Variants in COL7A1 observed in about 807,000 individuals in gnomAD.
COL7A1 encodes the protein collagen alpha-1(VII) chain.
Under a neutral mutation model 456.2 loss-of-function variants are expected in COL7A1, and 296 were observed. That is an observed-to-expected ratio of 0.65 (90% confidence interval 0.59 to 0.71). The LOEUF is 0.71. Ranked by LOEUF, COL7A1 falls within the 30% of genes least tolerant of loss-of-function variation. The pLI, the probability that COL7A1 is intolerant of heterozygous loss-of-function variation, is 0.00. For missense variants in COL7A1, 3,441 were observed against 4,017.2 expected (o/e 0.86, Z 3.88); for synonymous variants, 1,464 against 1,525.9 (o/e 0.96, Z 0.95).
chr3:48,579,079 C>G lies in COL7A1; in HGVS notation c.5388+118G>C, dbSNP rs750409524. 7.4e-5 allele frequency: 115 copies of G among 1,552,450 alleles called. No homozygotes were observed. Among genetic ancestry groups the G allele is most frequent in the Non-Finnish European group, 9.6e-5 (108 of 1,126,442 alleles). ...GCAGGGCTCTGGGAGAAGACACAGA[C>G]AACAGGTCTCGCCCCAGAGCTCGTC... On this transcript the variant is annotated intron_variant, in intron 62 of 118. Coordinates refer to ENST00000681320, the MANE Select transcript of COL7A1 (RefSeq NM_000094.4). The surrounding 1 kb of genome is among the most constrained non-coding windows in gnomAD (Gnocchi z 4.4).
chr3:48,570,053 A>G lies in COL7A1; in HGVS notation c.7485+81T>C, dbSNP rs1475066048. ...GAGGAGGGCCAGAGGGCTAGGGAGG[A>G]TGGCAGAGAGTCCTGGGGTACAAAG... On this transcript the variant is annotated intron_variant, in intron 99 of 118. Transcript: ENST00000681320. This position sits in a 1 kb window ranked among gnomAD's most constrained non-coding sequence, Gnocchi z 5.5. The G allele has an allele frequency of 1.3e-6, 2 of 1,597,876 alleles. No homozygotes were observed. Among genetic ancestry groups the G allele is most frequent in the Admixed American group, 1.7e-5 (1 of 59,866 alleles).
rs1218980767 is a variant in COL7A1 at position 48,591,166 on chromosome 3, T to C, written c.1636+298A>G. ...ATGGGGACATGCAATGAGAGGTTGG[T>C]GTACAGTGGTCACCACTAGGGTAAC... On this transcript the variant is annotated intron_variant, in intron 13 of 118. Coordinates refer to ENST00000681320, the MANE Select transcript of COL7A1 (RefSeq NM_000094.4). The surrounding 1 kb of genome is among the most constrained non-coding windows in gnomAD (Gnocchi z 7.0). Among the ~76,000 whole-genome samples the C allele has an allele frequency of 6.6e-6, 1 of 151,886 alleles. No homozygotes were observed. Among genetic ancestry groups the C allele is most frequent in the Non-Finnish European group, 1.5e-5 (1 of 67,956 alleles).
chr3:48,568,542 A>G lies in COL7A1; in HGVS notation c.7759-8T>C. ...TGCTGCACCAGGTTGACCCTGTGAGAAACACAGATGGGGGAGCCCTTCAGT... is the reference window on the plus strand; with the variant it reads ...TGCTGCACCAGGTTGACCCTGTGAGGAACACAGATGGGGGAGCCCTTCAGT... On this transcript the variant is annotated splice_region_variant and splice_polypyrimidine_tract_variant and intron_variant, in intron 104 of 118. Coordinates refer to ENST00000681320, the MANE Select transcript of COL7A1 (RefSeq NM_000094.4). This position sits in a 1 kb window ranked among gnomAD's most constrained non-coding sequence, Gnocchi z 5.2. The G allele has an allele frequency of 6.2e-7, 1 of 1,607,250 alleles. No individual in the cohort carries two copies.
rs1282467975 is a variant in COL7A1, at chr3:48,570,420, G to T, written c.7380+45C>A. 2.5e-6 allele frequency: 4 copies of T among 1,613,872 alleles called. No individual in the cohort carries two copies. In the African/African-American group the frequency reaches 5.3e-5, roughly 22 times the overall value. On this transcript the variant is annotated intron_variant, in intron 97 of 118. Transcript: ENST00000681320. The surrounding 1 kb of genome is among the most constrained non-coding windows in gnomAD (Gnocchi z 5.5). ...GGGAGGTCAGTGGAGGCTGAAGGGG[G>T]TGACCAGGGCACAAGAGAGAGTCAG...
In COL7A1 at chr3:48,592,210, C is replaced by A. The variant is rs765113230; in HGVS notation, c.1132G>T (p.Gly378Cys). ...TCCAAGTCACGCAGCAACACTGAAC[C>A]CTGCCCAGGGCCCAGCTCCTGCTGC... is the stretch of plus-strand genomic sequence containing the variant. ...TQQQELGPGQ[G>C]SVLLRDLEPG... Residue 378 changes from glycine to cysteine, a missense_variant, in exon 10 of 119, where the codon GGT becomes TGT. By Grantham distance (159) the Gly-to-Cys change is radical. This residue lies in a region of COL7A1 where 913 missense variants were observed against 1,088.2 expected (regional missense o/e 0.84). Coordinates refer to ENST00000681320, the MANE Select transcript of COL7A1 (RefSeq NM_000094.4). The surrounding 1 kb of genome is among the most constrained non-coding windows in gnomAD (Gnocchi z 7.6). 2.2e-5 allele frequency: 36 copies of A among 1,614,000 alleles called. No individual in the cohort carries two copies. The highest frequency in any genetic ancestry group is 3.1e-5 in the Non-Finnish European group (36 of 1,180,064).
chr3:48,572,795 C>T lies in COL7A1; in HGVS notation c.6832-56G>A. On this transcript the variant is annotated intron_variant, in intron 87 of 118. Coordinates refer to ENST00000681320, the MANE Select transcript of COL7A1 (RefSeq NM_000094.4). This position sits in a 1 kb window ranked among gnomAD's most constrained non-coding sequence, Gnocchi z 4.6. ...CCTCTCCACCACCACCCCTGCTGCC[C>T]CACTCCTCATATTTCAGGCCCACAG... 1 of 1,612,642 alleles carries T rather than the reference C, an allele frequency of 6.2e-7. No individual in the cohort carries two copies. The highest frequency in any genetic ancestry group is 1.1e-5 in the South Asian group (1 of 91,008).
In COL7A1 at chr3:48,569,753, A is replaced by G. The variant is rs373852057; in HGVS notation, c.7529T>C (p.Val2510Ala). 7 of 1,614,000 alleles carry G rather than the reference A, an allele frequency of 4.3e-6. No individual in the cohort carries two copies. The African/African-American group carries it at 9.3e-5, about 22-fold the overall frequency. Residue 2510 changes from valine to alanine, a missense_variant, in exon 101 of 119, where the codon GTT (valine) becomes GCT (alanine). This residue lies in a region of COL7A1 where 2,084 missense variants were observed against 2,501.3 expected (regional missense o/e 0.83). Transcript: ENST00000681320. This position sits in a 1 kb window ranked among gnomAD's most constrained non-coding sequence, Gnocchi z 4.9. ...GTCACCCTTTAGTCCTGCACTCCCAACATCACCCTATTGGGCAAAAGAGTG... is the reference window on the plus strand; with the variant it reads ...GTCACCCTTTAGTCCTGCACTCCCAGCATCACCCTATTGGGCAAAAGAGTG... ...SRGERGEKGDVGSAGLKGDKG... is the reference protein window; with the variant it reads ...SRGERGEKGDAGSAGLKGDKG...
rs1242637293 is a variant in COL7A1, at chr3:48,592,342, C to G, written c.1093+9G>C. The G allele has an allele frequency of 5.0e-6, 8 of 1,613,424 alleles. No individual in the cohort carries two copies. The highest frequency in any genetic ancestry group is 1.7e-5 in the Admixed American group (1 of 60,004). ...CGGGGACTCCCCTCAGCCCACATCT[C>G]TCACTCACCACTGAGGACCCGCCAT... On this transcript the variant is annotated intron_variant, in intron 9 of 118. Transcript: ENST00000681320. The surrounding 1 kb of genome is among the most constrained non-coding windows in gnomAD (Gnocchi z 7.6).
chr3:48,580,681 C>A lies in COL7A1; in HGVS notation c.4981-29G>T, dbSNP rs902562495. ...AGAAGAGCAGCTGGCCTGAGACAGACCCTCCCAATATTTTGCAGGTGCCCC... is the reference window on the plus strand; with the variant it reads ...AGAAGAGCAGCTGGCCTGAGACAGAACCTCCCAATATTTTGCAGGTGCCCC... On this transcript the variant is annotated intron_variant, in intron 54 of 118. Coordinates refer to ENST00000681320, the MANE Select transcript of COL7A1 (RefSeq NM_000094.4). The surrounding 1 kb of genome is among the most constrained non-coding windows in gnomAD (Gnocchi z 4.5). 3 of 1,612,846 alleles carry A rather than the reference C, an allele frequency of 1.9e-6. No individual in the cohort carries two copies. The highest frequency in any genetic ancestry group is 2.7e-5 in the African/African-American group (2 of 74,894).
intron 65 of COL7A1, 106 bp from the exon 66 acceptor site, chr3:48,577,133 G>C (rs979706715): frequency 2.1e-6 from 3 of 1,462,612 alleles, no homozygotes; most frequent in African/African-American, 2.8e-5. Context: ...TGTGCCTGTA[G>C]CTCCATGGTT....
Position 48,568,833 on chromosome 3 carries a change from TC to T in COL7A1, c.7708del (p.Asp2570ThrfsTer61), listed in dbSNP as rs2107639823. 1 of 1,576,678 alleles carries T rather than the reference TC, an allele frequency of 6.3e-7. No individual in the cohort carries two copies. ...TCCTGGCAACCCGGCTGAGCCCTTG[TC>T]ACCAGGCTCTCCCTTGCTGCCCTGT... ...GDKGSKGEPG[D>X]KGSAGLPGLR... On this transcript the variant is annotated frameshift_variant, in exon 104 of 119. Coordinates refer to ENST00000681320, the MANE Select transcript of COL7A1 (RefSeq NM_000094.4). LOFTEE classifies it high-confidence loss of function. This position sits in a 1 kb window ranked among gnomAD's most constrained non-coding sequence, Gnocchi z 5.2.
chr3:48,573,121 C>T lies in COL7A1; in HGVS notation c.6714+53G>A. 1 of 1,614,048 alleles carries T rather than the reference C, an allele frequency of 6.2e-7. No individual in the cohort carries two copies. Among genetic ancestry groups the T allele is most frequent in the Middle Eastern group, 1.6e-4 (1 of 6,062 alleles). On this transcript the variant is annotated intron_variant, in intron 85 of 118. Transcript: ENST00000681320. This position sits in a 1 kb window ranked among gnomAD's most constrained non-coding sequence, Gnocchi z 5.5. ...ACAGGACGACATGAGAGAACATGGG[C>T]CCCAAGGAGTGAAAACACGGTGTCC...
Position 48,583,201 on chromosome 3 carries a change from G to T in COL7A1, c.4438-30C>A. 6.2e-7 allele frequency: 1 copy of T among 1,613,054 alleles called. No individual in the cohort carries two copies. The highest frequency in any genetic ancestry group is 1.1e-5 in the South Asian group (1 of 91,030). On this transcript the variant is annotated intron_variant, in intron 42 of 118. Coordinates refer to ENST00000681320, the MANE Select transcript of COL7A1 (RefSeq NM_000094.4). This position sits in a 1 kb window ranked among gnomAD's most constrained non-coding sequence, Gnocchi z 5.1. ...AGAGAGAGGGTGAGAGAAAGACAGA[G>T]AGAGAGAGGGTTGGTGGCGGGGCTT...
chr3:48,578,375 C>A lies in COL7A1; in HGVS notation c.5488-10G>T, dbSNP rs2107691349. The A allele has an allele frequency of 6.2e-7, 1 of 1,613,418 alleles. No homozygotes were observed. The highest frequency in any genetic ancestry group is 8.5e-7 in the Non-Finnish European group (1 of 1,180,026). On this transcript the variant is annotated splice_polypyrimidine_tract_variant and intron_variant, in intron 64 of 118. Transcript: ENST00000681320. This position sits in a 1 kb window ranked among gnomAD's most constrained non-coding sequence, Gnocchi z 4.7. ...CCTCGCCTGGCTTTCCCTGTGGGAA[C>A]AGATCACTGGTTGGATGTCGGGGAT...
chr3:48,571,987 G>A lies in COL7A1; in HGVS notation c.7068+14C>T. 4 of 1,611,436 alleles carry A rather than the reference G, an allele frequency of 2.5e-6. No individual in the cohort carries two copies. The highest frequency in any genetic ancestry group is 3.4e-6 in the Non-Finnish European group (4 of 1,179,062). On this transcript the variant is annotated intron_variant, in intron 92 of 118. Coordinates refer to ENST00000681320, the MANE Select transcript of COL7A1 (RefSeq NM_000094.4). This position sits in a 1 kb window ranked among gnomAD's most constrained non-coding sequence, Gnocchi z 4.6. ...CTCAGGCCAGGCTCGCCCTTGCCTA[G>A]GCCCCGGACTCACATCTTCCCCAGG... is the stretch of plus-strand genomic sequence containing the variant.
rs537763577 is a variant in COL7A1, at chr3:48,575,465, A to C, written c.6054T>G (p.Gly2018=). 6 of 1,611,346 alleles carry C rather than the reference A, an allele frequency of 3.7e-6. No individual in the cohort carries two copies. The East Asian group carries it at 1.1e-4, about 30-fold the overall frequency. ...RGDPGPQGPP[G]LALGERGPPG... ...GGGGGCCCCTCTCCCCAAGGGCCAG[A>C]CCAGGTGGCCCCTGAGGGCCAGGGT... Residue 2018 remains glycine (G), a synonymous_variant, in exon 74 of 119, where the codon GGT becomes GGG. Transcript: ENST00000681320. This position sits in a 1 kb window ranked among gnomAD's most constrained non-coding sequence, Gnocchi z 6.3.
At position 48,569,248 on chromosome 3, in the gene COL7A1, C is replaced by T. The variant is rs982201946; in HGVS notation, c.7686+127G>A. 7.7e-6 allele frequency: 9 copies of T among 1,175,934 alleles called. No individual in the cohort carries two copies. The highest frequency in any genetic ancestry group is 1.1e-5 in the Non-Finnish European group (9 of 790,088). 72.8% of individuals were successfully genotyped at this position (1,175,934 alleles called of 1,614,324 possible). The stretch of plus-strand genomic sequence containing the variant: ...CTCCTCTCGGCCACTCCATAGTCAG[C>T]CACAGAACCCCTTCCCCCTAAACCC... On this transcript the variant is annotated intron_variant, in intron 103 of 118. Transcript: ENST00000681320. The surrounding 1 kb of genome is among the most constrained non-coding windows in gnomAD (Gnocchi z 4.9).
At position 48,566,674 on chromosome 3, in the gene COL7A1, C is replaced by A. The variant is rs141883531; in HGVS notation, c.8290G>T (p.Glu2764Ter). 6.2e-7 allele frequency: 1 copy of A among 1,614,132 alleles called. No individual in the cohort carries two copies. Among genetic ancestry groups the A allele is most frequent in the Admixed American group, 1.7e-5 (1 of 60,020 alleles). Residue 2764 changes from glutamate (E) to a stop codon, truncating the protein, a stop_gained, in exon 112 of 119, where the codon GAG becomes TAG. Coordinates refer to ENST00000681320, the MANE Select transcript of COL7A1 (RefSeq NM_000094.4). LOFTEE classifies it high-confidence loss of function. This position sits in a 1 kb window ranked among gnomAD's most constrained non-coding sequence, Gnocchi z 5.9. Reference protein sequence around the residue: ...GAPGVPGAPGERGEQGRPGPA... With the variant: ...GAPGVPGAPG ...TCCCTACTCACCTGCTCCCCTCTCT[C>A]GCCAGGAGCTCCAGGGACCCCAGGA...
chr3:48,592,465 C>T lies in COL7A1; in HGVS notation c.979G>A (p.Ala327Thr). 6.2e-7 allele frequency: 1 copy of T among 1,613,452 alleles called. No homozygotes were observed. The highest frequency in any genetic ancestry group is 8.5e-7 in the Non-Finnish European group (1 of 1,179,998). Residue 327 changes from alanine (A) to threonine (T), a missense_variant and splice_region_variant, in exon 9 of 119, where the codon GCC (alanine) becomes ACC (threonine). Around this residue, in one of 3 missense-constraint regions of COL7A1, gnomAD observed 913 missense variants for 1,088.2 expected, o/e 0.84. Coordinates refer to ENST00000681320, the MANE Select transcript of COL7A1 (RefSeq NM_000094.4). The surrounding 1 kb of genome is among the most constrained non-coding windows in gnomAD (Gnocchi z 7.6). ...EAVSGTARTT[A>T]LEGPELTIQN... is the part of the protein sequence containing the mutation. ...ATGGTCAGTTCCGGCCCTTCTAGGG[C>T]AGCTGGGGGAGAGTCCCACCAGGGA...
Sources: gnomAD v4.1 joint callset for allele counts (sites outside exome capture counted in the v4.1 genomes callset) on GRCh38, gnomAD v4.1.1 for gene constraint, gnomAD v4.1.1 regional missense constraint, Gnocchi (gnomAD v3.1) non-coding constraint, MANE v1.5 for transcripts, NCBI Gene and HGNC (gene_info 2026-07-23, HGNC 2026-07-21) for gene names.